SH3GL3: variants seen among roughly 807,000 people sequenced by gnomAD.
SH3GL3 encodes the protein SH3 domain containing GRB2 like 3, endophilin A3.
In SH3GL3, 33 loss-of-function variants were observed where a neutral mutation model predicts 47.7. That is an observed-to-expected ratio of 0.69 (90% CI 0.52 to 0.92). The LOEUF (loss-of-function observed/expected upper bound fraction) is 0.92. Among genes scored for constraint, SH3GL3 ranks in the 40% least tolerant of loss-of-function variants. SH3GL3 has a pLI of 0.00. For synonymous variants in SH3GL3, 155 were observed against 148.8 expected (o/e 1.04, Z -0.30); for missense variants, 363 against 417.8 (o/e 0.87, Z 1.14).
At chr15:83,558,183 T>C (rs1370715119) in intron 1 of SH3GL3, among the ~76,000 whole-genome samples, 1 of 152,196 alleles carries the variant, frequency 6.6e-6, no homozygotes, top group Non-Finnish European at 1.5e-5. Context: ...TATTTTCTTC[T>C]TCCAATTTGT....
intron 1 of SH3GL3, among the ~76,000 whole-genome samples, chr15:83,540,295 T>G (rs2044096433): frequency 6.6e-6 from 1 of 152,318 alleles, no homozygotes; most frequent in East Asian, 1.9e-4. Context: ...TGCTACAGTG[T>G]TCTACATATG....
chr15:83,515,048 G>A (rs1271023141), intron 1 of SH3GL3, among the ~76,000 whole-genome samples: 1 of 152,110 alleles, frequency 6.6e-6, no homozygotes, highest in Non-Finnish European at 1.5e-5. Flanking sequence ...GCCTCCAGAA[G>A]GAACCAACCC....
intron 1 of SH3GL3, among the ~76,000 whole-genome samples, chr15:83,527,133 T>C (rs746364903): frequency 1.3e-5 from 2 of 152,184 alleles, no homozygotes; most frequent in Non-Finnish European, 2.9e-5. Flanking sequence ...TTTCTAAATA[T>C]AAGATTTTGT....
chr15:83,489,918 TGATAGATGATA>T (rs1236637700), intron 1 of SH3GL3, among the ~76,000 whole-genome samples: 3 of 152,060 alleles, frequency 2.0e-5, no homozygotes, highest in African/African-American at 4.8e-5. Context: ...GATAGATGAT[TGATAGATGATA>T]GATAGATGAC....
At chr15:83,564,735 T>C (rs889965087) in intron 2 of SH3GL3, among the ~76,000 whole-genome samples, 5 of 152,218 alleles carry the variant, frequency 3.3e-5, no homozygotes, top group Non-Finnish European at 7.4e-5. Context: ...GAATCATTAC[T>C]GTGGCATCCT....
At chr15:83,491,991 A>T (rs1001623934) in intron 1 of SH3GL3, among the ~76,000 whole-genome samples, 1 of 152,194 alleles carries the variant, frequency 6.6e-6, no homozygotes, top group African/African-American at 2.4e-5. Flanking sequence ...CCAACTATTT[A>T]TAGAAAGTAC....
At chr15:83,601,991 T>A in intron 8 of SH3GL3, among the ~76,000 whole-genome samples, 1 of 148,462 alleles carries the variant, frequency 6.7e-6, no homozygotes, top group African/African-American at 2.5e-5. Flanking sequence ...TGCAGTAAAA[T>A]AGGATTTCCT....
intron 1 of SH3GL3, among the ~76,000 whole-genome samples, chr15:83,487,898 A>T: frequency 7.4e-6 from 1 of 134,358 alleles, no homozygotes. Context: ...TTTTCCTGAG[A>T]CGGAGTCTTG....
At chr15:83,466,333 A>G (rs1405283291) in intron 1 of SH3GL3, among the ~76,000 whole-genome samples, 1 of 152,132 alleles carries the variant, frequency 6.6e-6, no homozygotes, top group Non-Finnish European at 1.5e-5. Flanking sequence ...TAAAGCTGCT[A>G]TAAATATTTA....
chr15:83,481,879 C>A (rs1421900017), intron 1 of SH3GL3, among the ~76,000 whole-genome samples: 1 of 152,096 alleles, frequency 6.6e-6, no homozygotes, highest in African/African-American at 2.4e-5. Flanking sequence ...TACAAAAAAC[C>A]ACTAGAGAGG....
intron 1 of SH3GL3, among the ~76,000 whole-genome samples, chr15:83,541,477 GCGCCCGCTACCA>G (rs1358268649): frequency 1.3e-5 from 2 of 151,740 alleles, no homozygotes; most frequent in South Asian, 4.2e-4. Context: ...GGGACTACAG[GCGCCCGCTACCA>G]CGCCCGGCTA....
chr15:83,456,683 CA>C (rs2039996486), intron 1 of SH3GL3, among the ~76,000 whole-genome samples: 1 of 144,842 alleles, frequency 6.9e-6, no homozygotes, highest in East Asian at 2.1e-4. Context: ...ACGGTGCGCA[CA>C]CACACTGGCC....
intron 1 of SH3GL3, among the ~76,000 whole-genome samples, chr15:83,456,980 CTTG>C (rs1396563201): frequency 6.6e-6 from 1 of 152,144 alleles, no homozygotes; most frequent in Non-Finnish European, 1.5e-5. Flanking sequence ...ATTGTGGTTT[CTTG>C]TTAAACGTGG....
chr15:83,614,273 T>C (rs1194225184), intron 8 of SH3GL3, among the ~76,000 whole-genome samples: 2 of 152,148 alleles, frequency 1.3e-5, no homozygotes, highest in Non-Finnish European at 2.9e-5. Flanking sequence ...TTTACAGCCT[T>C]CCACCCCCTA....
At chr15:83,592,191 A>T (rs1243829447) in intron 8 of SH3GL3, among the ~76,000 whole-genome samples, 1 of 152,128 alleles carries the variant, frequency 6.6e-6, no homozygotes, top group African/African-American at 2.4e-5. Context: ...TGATTTCCTG[A>T]TATGGAAGAT....
At chr15:83,522,982 G>A (rs1364069946) in intron 1 of SH3GL3, among the ~76,000 whole-genome samples, 1 of 152,144 alleles carries the variant, frequency 6.6e-6, no homozygotes, top group African/African-American at 2.4e-5. Flanking sequence ...TTTTACCAAA[G>A]TATTCTTTGA....
intron 1 of SH3GL3, among the ~76,000 whole-genome samples, chr15:83,493,321 C>T (rs2041951773): frequency 6.6e-6 from 1 of 152,066 alleles, no homozygotes; most frequent in Non-Finnish European, 1.5e-5. Flanking sequence ...GTGATGGGGA[C>T]ATGGCAGTTC....
rs948927162 is a variant in SH3GL3, at chr15:83,479,746, G to A, written c.45+32168G>A. Reference sequence around the variant, plus strand: ...CTTGATCTTGTAGAATTGAGTCCTCGGGGCCATCAGTGGGGCACTGACAGC... The same window carrying A: ...CTTGATCTTGTAGAATTGAGTCCTCAGGGCCATCAGTGGGGCACTGACAGC... On this transcript the variant is annotated intron_variant, in intron 1 of 8. Transcript: ENST00000427482. Among the ~76,000 whole-genome samples, 3 of 152,100 alleles carry A rather than the reference G, an allele frequency of 2.0e-5. No homozygotes were observed. In the East Asian group the frequency reaches 5.8e-4, roughly 29 times the overall value.
At chr15:83,490,449 G>GT (rs1045276485) in intron 1 of SH3GL3, among the ~76,000 whole-genome samples, 7 of 151,984 alleles carry the variant, frequency 4.6e-5, no homozygotes, top group African/African-American at 7.3e-5. Context: ...ATTACAATTT[G>GT]TTTTTTCTGG....
Sources: allele counts gnomAD v4.1 joint callset (sites outside exome capture counted in the v4.1 genomes callset), GRCh38; gene constraint gnomAD v4.1.1; transcripts MANE v1.5; gene names NCBI Gene and HGNC (gene_info 2026-07-23, HGNC 2026-07-21).